RNF126: variants seen among roughly 807,000 people sequenced by gnomAD.
RNF126 encodes ring finger protein 126, also known as E3 ubiquitin-protein ligase RNF126.
A neutral mutation model predicts 41.9 loss-of-function variants in RNF126; 20 were observed. The ratio of observed to expected loss-of-function variants is 0.48; its 90% CI spans 0.34 to 0.69. The LOEUF is 0.69. RNF126 is among the 30% of genes least tolerant of loss of function. The pLI is 0.01. For synonymous variants in RNF126, 239 were observed against 202.9 expected (o/e 1.18, Z -1.51); for missense variants, 433 against 460.6 (o/e 0.94, Z 0.55).
intron 1 of RNF126, among the ~76,000 whole-genome samples, chr19:655,465 G>A (rs576914090): frequency 2.6e-5 from 4 of 151,888 alleles, no homozygotes; most frequent in Non-Finnish European, 4.4e-5. Context: ...TAGCCCGGGC[G>A]ACAGAGTGAC....
At chr19:662,880 G>A (rs2030870921) in intron 1 of RNF126, among the ~76,000 whole-genome samples, 167 bp downstream of exon 1, 1 of 151,984 alleles carries the variant, frequency 6.6e-6, no homozygotes, top group Admixed American at 6.5e-5. Flanking sequence ...CGCACCGCCC[G>A]GGCTCCCCGC....
chr19:651,320 C>G (rs1159893078), intron 4 of RNF126: 1 of 285,654 alleles, frequency 3.5e-6, no homozygotes, highest in Non-Finnish European at 6.5e-6. Context: ...GGCCCAAGGC[C>G]TGGACAGCGT....
At chr19:650,436 G>A (rs953568418) in intron 4 of RNF126, 140 bp from the exon 5 acceptor site, 10 of 719,126 alleles carry the variant, frequency 1.4e-5, no homozygotes, top group Admixed American at 5.6e-5. Flanking sequence ...ATTTTACTAT[G>A]AGCCAGGGTC....
intron 4 of RNF126, 126 bp downstream of exon 4, chr19:651,485 G>T: frequency 1.0e-6 from 1 of 975,252 alleles, no homozygotes; most frequent in East Asian, 3.6e-5. Flanking sequence ...GGGCCTGGCC[G>T]GGCGGCCTCT....
chr19:652,333 C>G (rs756972015), intron 2 of RNF126, 37 bp from the exon 3 acceptor site: 1 of 1,523,188 alleles, frequency 6.6e-7, no homozygotes, highest in Admixed American at 2.3e-5. Flanking sequence ...GCCGGCTACC[C>G]TGTGCCCCCA....
intron 1 of RNF126, among the ~76,000 whole-genome samples, chr19:658,353 T>C (rs1282397934): frequency 6.0e-5 from 9 of 150,126 alleles, no homozygotes; most frequent in Non-Finnish European, 1.3e-4. Context: ...AGGCCCCAGA[T>C]GACTGACAGT....
chr19:654,417 C>T (rs1437068410), intron 1 of RNF126, among the ~76,000 whole-genome samples: 2 of 151,984 alleles, frequency 1.3e-5, no homozygotes, highest in African/African-American at 2.4e-5. Flanking sequence ...CCGAGGCGGG[C>T]GGATCATCTG....
At chr19:655,672 AC>A (rs1310150429) in intron 1 of RNF126, among the ~76,000 whole-genome samples, 4 of 152,118 alleles carry the variant, frequency 2.6e-5, no homozygotes, top group African/African-American at 9.7e-5. Context: ...CCCATGACCC[AC>A]GAGCTAGAAC....
intron 1 of RNF126, among the ~76,000 whole-genome samples, chr19:660,931 G>A (rs552317475): frequency 2.0e-5 from 3 of 152,370 alleles, no homozygotes; most frequent in African/African-American, 7.2e-5. Flanking sequence ...ATCACCCGCG[G>A]GGTGGACACG....
intron 1 of RNF126, among the ~76,000 whole-genome samples, chr19:658,727 C>T (rs1445509632): frequency 6.6e-6 from 1 of 152,210 alleles, no homozygotes; most frequent in Non-Finnish European, 1.5e-5. Context: ...TGCCTCAGCC[C>T]AGGCTGGGGC....
chr19:656,840 C>G (rs1212699767), intron 1 of RNF126, among the ~76,000 whole-genome samples: 2 of 152,180 alleles, frequency 1.3e-5, no homozygotes, highest in Non-Finnish European at 2.9e-5. Flanking sequence ...ACTTCACAGT[C>G]AAATCTGAAC....
intron 4 of RNF126, chr19:650,570 A>G (rs2030228276): frequency 3.9e-6 from 1 of 257,206 alleles, no homozygotes. Flanking sequence ...GAAGAGGTCC[A>G]CCACTCTCGG....
At chr19:652,188 A>T in intron 3 of RNF126, 45 bp downstream of exon 3, 1 of 1,456,042 alleles carries the variant, frequency 6.9e-7, no homozygotes, top group Non-Finnish European at 9.1e-7. Flanking sequence ...CGGGGCCCCG[A>T]GCAAGGCTGA....
At position 648,650 on chromosome 19, in the gene RNF126, C is replaced by A. The variant is rs532144549; in HGVS notation, c.671-163G>T. Among the ~76,000 whole-genome samples, 44 of 152,270 alleles carry A rather than the reference C, an allele frequency of 2.9e-4. No individual in the cohort carries two copies. In the South Asian group the frequency reaches 7.3e-3, roughly 25 times the overall value. ...GCTGCCAGAGGGGACCTGGACAGAA[C>A]CCTCTCCTCCCAGCCCACCTTCAGG... On this transcript the variant is annotated intron_variant, in intron 7 of 8. Transcript: ENST00000292363.
chr19:650,286 G>A lies in RNF126; in HGVS notation c.454C>T (p.Gln152Ter). 1.3e-6 allele frequency: 2 copies of A among 1,581,082 alleles called. No individual in the cohort carries two copies. Among genetic ancestry groups the A allele is most frequent in the Non-Finnish European group, 1.7e-6 (2 of 1,164,948 alleles). Residue 152 changes from glutamine (Q) to a stop codon, truncating the protein, a stop_gained, in exon 5 of 9, where the codon CAG (glutamine) becomes TAG (stop). Coordinates refer to ENST00000292363, the MANE Select transcript of RNF126 (RefSeq NM_194460.3). LOFTEE classifies it high-confidence loss of function. Reference sequence around the variant, plus strand: ...GGCGTGATGATGCCGTTGACGAGCTGCTGGATGATCCTGGAAAAGAGAGCG... The same window carrying A: ...GGCGTGATGATGCCGTTGACGAGCTACTGGATGATCCTGGAAAAGAGAGCG... ...GVPTLEGIIQ[Q>*]LVNGIITPAT...
In RNF126 at chr19:659,431, C is replaced by T. The variant is rs117264382; in HGVS notation, c.75+3616G>A. Among the ~76,000 whole-genome samples, 3 of 152,148 alleles carry T rather than the reference C, an allele frequency of 2.0e-5. No individual in the cohort carries two copies. Among genetic ancestry groups the T allele is most frequent in the Admixed American group, 6.5e-5 (1 of 15,280 alleles). On this transcript the variant is annotated intron_variant, in intron 1 of 8. Coordinates refer to ENST00000292363, the MANE Select transcript of RNF126 (RefSeq NM_194460.3). The surrounding 1 kb of genome is among the most constrained non-coding windows in gnomAD (Gnocchi z 4.9). Reference sequence around the variant, plus strand: ...CTCTCACCGCCACTTGGGGACACTGCGGAGGTTGCAGGCGTTCGGGGGTGG... The same window carrying T: ...CTCTCACCGCCACTTGGGGACACTGTGGAGGTTGCAGGCGTTCGGGGGTGG...
chr19:651,863 G>A lies in RNF126; in HGVS notation c.199-8C>T. On this transcript the variant is annotated splice_region_variant and splice_polypyrimidine_tract_variant and intron_variant, in intron 3 of 8. Coordinates refer to ENST00000292363, the MANE Select transcript of RNF126 (RefSeq NM_194460.3). ...CAGGTGCTGGTCCACGTGCTGGGGA[G>A]AGGAGGGGGGCGTGACCTCGGGGGC... 1 of 1,602,370 alleles carries A rather than the reference G, an allele frequency of 6.2e-7. No homozygotes were observed. The highest frequency in any genetic ancestry group is 1.7e-4 in the Middle Eastern group (1 of 6,016).
At chr19:657,798 G>T (rs1388672349) in intron 1 of RNF126, among the ~76,000 whole-genome samples, 1 of 152,226 alleles carries the variant, frequency 6.6e-6, no homozygotes, top group African/African-American at 2.4e-5. Context: ...GGTCACGAAG[G>T]CAAGTGACAG....
intron 1 of RNF126, among the ~76,000 whole-genome samples, chr19:657,320 CT>C (rs1364902207): frequency 3.3e-5 from 5 of 152,238 alleles, no homozygotes; most frequent in African/African-American, 1.2e-4. Context: ...GCATCACTGG[CT>C]TTCTGTCGGG....
Sources: gnomAD v4.1 joint callset for allele counts (sites outside exome capture counted in the v4.1 genomes callset) on GRCh38, gnomAD v4.1.1 for gene constraint, Gnocchi (gnomAD v3.1) non-coding constraint, MANE v1.5 for transcripts, NCBI Gene and HGNC (gene_info 2026-07-23, HGNC 2026-07-21) for gene names.